Variants in ZFAND1 observed in about 807,000 individuals in gnomAD.
The protein encoded by ZFAND1 is AN1-type zinc finger protein 1.
In ZFAND1, 40 loss-of-function variants were observed where a neutral mutation model predicts 38.5. The observed-to-expected ratio is 1.04, with a 90% CI of 0.81 to 1.35. ZFAND1 has a LOEUF of 1.35. Among genes scored for constraint, ZFAND1 ranks in the 40% most tolerant of loss-of-function variants. The pLI is 0.00. For missense variants in ZFAND1, 346 were observed against 316.3 expected, an observed-to-expected ratio of 1.09 and a Z score of -0.71; for synonymous variants, 117 against 103.6, an observed-to-expected ratio of 1.13 and a Z score of -0.78.
intron 6 of ZFAND1, among the ~76,000 whole-genome samples, chr8:81,709,664 A>T (rs943606501): frequency 1.3e-5 from 2 of 152,146 alleles, no homozygotes; most frequent in African/African-American, 2.4e-5. Context: ...AGACACCCAC[A>T]TATATCTCTA....
At position 81,713,903 on chromosome 8, in the gene ZFAND1, A is replaced by T. The variant is rs1253582835; in HGVS notation, c.480+15T>A. 2 of 1,611,574 alleles carry T rather than the reference A, an allele frequency of 1.2e-6. No homozygotes were observed. On this transcript the variant is annotated intron_variant, in intron 6 of 7. Coordinates refer to ENST00000220669, the MANE Select transcript of ZFAND1 (RefSeq NM_024699.3). ...ATTTGAAATTTTTGTGTTTTAAAAA[A>T]TCTCTAAGACCAACCTGTGGTAATG...
chr8:81,711,111 G>A (rs1000130559), intron 6 of ZFAND1, among the ~76,000 whole-genome samples: 1 of 152,120 alleles, frequency 6.6e-6, no homozygotes, highest in Non-Finnish European at 1.5e-5. Context: ...ACCTAAACAA[G>A]TATATTAAAA....
intron 5 of ZFAND1, chr8:81,714,468 GAAC>G (rs1808240112): frequency 7.0e-6 from 2 of 286,650 alleles, no homozygotes; most frequent in African/African-American, 4.4e-5. Flanking sequence ...AGCATTCACA[GAAC>G]AGCTGACTAG....
intron 1 of ZFAND1, 148 bp from the exon 2 acceptor site, chr8:81,718,372 A>G (rs951249835): frequency 2.1e-6 from 1 of 472,322 alleles, no homozygotes; most frequent in African/African-American, 2.0e-5. Flanking sequence ...AACAAAATTA[A>G]TCACAACTTC....
At chr8:81,720,872 G>A in intron 1 of ZFAND1, 1 of 390,622 alleles carries the variant, frequency 2.6e-6, no homozygotes, top group Non-Finnish European at 4.7e-6. Context: ...GGAATTGCAT[G>A]GCTTCCTTCC....
rs1807829756 is a variant in ZFAND1 at position 81,702,149 on chromosome 8, A to C, written c.*546T>G. On this transcript the variant is annotated 3_prime_UTR_variant, in exon 8 of 8. Coordinates refer to ENST00000220669, the MANE Select transcript of ZFAND1 (RefSeq NM_024699.3). ...ATAAAGATCACTTCTAAGTTTCTAT[A>C]ATTCATGTAGATATATCAATTTATA... 1 of 152,222 alleles carries C rather than the reference A, an allele frequency of 6.6e-6. No homozygotes were observed. The highest frequency in any genetic ancestry group is 6.5e-5 in the Admixed American group (1 of 15,286). The allele number at this position is 152,222 out of a possible 1,614,324, so 9.4% of individuals were successfully genotyped here. A position where few individuals can be genotyped will look rare whatever the true frequency, so the allele number is the denominator to read the frequency against.
Position 81,703,024 on chromosome 8 carries a change from T to C in ZFAND1, c.581A>G (p.Asp194Gly). The change falls in exon 7 of 8, where the codon GAC (aspartate) becomes GGC (glycine). Residue 194 changes from aspartate (D) to glycine (G), a missense_variant. By Grantham distance (94) the Asp-to-Gly change is moderately conservative (BLOSUM62 -1). Coordinates refer to ENST00000220669, the MANE Select transcript of ZFAND1 (RefSeq NM_024699.3). ...CHRWSIGKAI[D>G]FAASLARLKN... ...AAGCCTGGCTAGAGAAGCGGCAAAGTCTATGGCCTTTCCAATGCTCCATCG... is the reference window on the plus strand; with the variant it reads ...AAGCCTGGCTAGAGAAGCGGCAAAGCCTATGGCCTTTCCAATGCTCCATCG... The C allele has an allele frequency of 6.3e-7, 1 of 1,583,168 alleles. No homozygotes were observed. Among genetic ancestry groups the C allele is most frequent in the Non-Finnish European group, 8.6e-7 (1 of 1,161,168 alleles).
chr8:81,714,374 A>G, intron 5 of ZFAND1: 1 of 247,372 alleles, frequency 4.0e-6, no homozygotes, highest in Non-Finnish European at 7.8e-6. Context: ...CTTAATATGG[A>G]ATAAAAATTC....
chr8:81,719,147 C>T (rs1197817844), intron 1 of ZFAND1, among the ~76,000 whole-genome samples: 4 of 152,050 alleles, frequency 2.6e-5, no homozygotes, highest in Non-Finnish European at 5.9e-5. Context: ...CAACAATTAA[C>T]TTCTTTTGAG....
intron 6 of ZFAND1, among the ~76,000 whole-genome samples, chr8:81,708,479 C>T (rs1204915605): frequency 1.3e-5 from 2 of 151,860 alleles, no homozygotes; most frequent in African/African-American, 4.8e-5. Flanking sequence ...AGTCTAGGAG[C>T]TCCTATAAGT....
chr8:81,704,338 A>G (rs2130385430), intron 6 of ZFAND1, among the ~76,000 whole-genome samples: 2 of 152,220 alleles, frequency 1.3e-5, no homozygotes, highest in Middle Eastern at 6.8e-3. Flanking sequence ...GGAGTTCAAG[A>G]CCAGCCTGGG....
At chr8:81,711,262 A>G (rs1808134197) in intron 6 of ZFAND1, among the ~76,000 whole-genome samples, 1 of 152,092 alleles carries the variant, frequency 6.6e-6, no homozygotes, top group South Asian at 2.1e-4. Flanking sequence ...AAATACAAAA[A>G]TTAGCTGGGC....
At chr8:81,703,491 T>G (rs533484822) in intron 6 of ZFAND1, among the ~76,000 whole-genome samples, 1 of 152,342 alleles carries the variant, frequency 6.6e-6, no homozygotes, top group African/African-American at 2.4e-5. Flanking sequence ...TGGCACGTTC[T>G]TGGCTCACTG....
Position 81,702,966 on chromosome 8 carries a change from T to C in ZFAND1, c.636+3A>G, listed in dbSNP as rs1807857128. The C allele has an allele frequency of 6.6e-7, 1 of 1,504,996 alleles. No individual in the cohort carries two copies. The highest frequency in any genetic ancestry group is 8.9e-7 in the Non-Finnish European group (1 of 1,125,822). The allele number at this position is 1,504,996 out of a possible 1,614,324, so 93.2% of individuals were successfully genotyped here. ...TAGAAATATTATTATAATGAGATGT[T>C]ACCTTAGCTGTAAATTTGTTATTGT... is the stretch of plus-strand genomic sequence containing the variant. On this transcript the variant is annotated splice_donor_region_variant and intron_variant, in intron 7 of 7. Transcript: ENST00000220669.
chr8:81,715,789 A>G (rs146016141), intron 3 of ZFAND1, among the ~76,000 whole-genome samples: 8 of 152,248 alleles, frequency 5.3e-5, no homozygotes, highest in South Asian at 2.1e-4. Context: ...TAATAGTTAC[A>G]CCTTGTTGGA....
intron 6 of ZFAND1, among the ~76,000 whole-genome samples, chr8:81,710,637 T>C (rs144133637): frequency 6.6e-6 from 1 of 151,932 alleles, no homozygotes; most frequent in East Asian, 1.9e-4. Flanking sequence ...AGAGACACCC[T>C]AAAACAAAAC....
chr8:81,712,211 T>C (rs531628356), intron 6 of ZFAND1, among the ~76,000 whole-genome samples: 1 of 152,242 alleles, frequency 6.6e-6, no homozygotes, highest in Non-Finnish European at 1.5e-5. Context: ...TGTAAATTCC[T>C]AGCAAATTAG....
intron 6 of ZFAND1, among the ~76,000 whole-genome samples, chr8:81,707,074 G>A (rs936597692): frequency 1.3e-5 from 2 of 152,206 alleles, no homozygotes; most frequent in African/African-American, 2.4e-5. Flanking sequence ...CAAATCCAGT[G>A]TGAATCCTTC....
At chr8:81,718,455 C>CA (rs1456451588) in intron 1 of ZFAND1, among the ~76,000 whole-genome samples, 3 of 151,930 alleles carry the variant, frequency 2.0e-5, no homozygotes, top group Admixed American at 6.6e-5. Flanking sequence ...CTAAGTCAGA[C>CA]AAAAATAAGT....
Sources: gnomAD v4.1 joint callset for allele counts (sites outside exome capture counted in the v4.1 genomes callset) on GRCh38, gnomAD v4.1.1 for gene constraint, MANE v1.5 for transcripts, NCBI Gene and HGNC (gene_info 2026-07-23, HGNC 2026-07-21) for gene names.